ACOT2: variants seen among roughly 807,000 people sequenced by gnomAD.
ACOT2 encodes acyl-CoA thioesterase 2, also known as acyl-coenzyme A thioesterase 2, mitochondrial.
A neutral mutation model predicts 20.1 loss-of-function variants in ACOT2; 15 were observed. That is an observed-to-expected ratio of 0.75 (90% CI 0.50 to 1.15). The LOEUF (loss-of-function observed/expected upper bound fraction) is 1.15. Among genes scored for constraint, ACOT2 ranks in the 50% most tolerant of loss-of-function variants. ACOT2 has a pLI of 0.00. For synonymous variants in ACOT2, 252 were observed against 268.4 expected, an observed-to-expected ratio of 0.94 and a Z score of 0.60; for missense variants, 479 against 615.3, an observed-to-expected ratio of 0.78 and a Z score of 2.34.
Position 73,569,970 on chromosome 14 carries a change from G to GCC in ACOT2, c.643+93_643+94dup, listed in dbSNP as rs34765603. 1.8e-4 allele frequency: 261 copies of GCC among 1,458,730 alleles called. 3 individuals carry two copies. Among genetic ancestry groups the GCC allele is most frequent in the Middle Eastern group, 6.3e-4 (3 of 4,738 alleles). 90.4% of individuals were successfully genotyped at this position (1,458,730 alleles called of 1,614,324 possible). ...CCCCACGCTTTTCGCTTATGTGTAT[G>GCC]CCCCCCCGCCGCGCCCCCGGGCTAT... On this transcript the variant is annotated intron_variant, in intron 1 of 2. Transcript: ENST00000238651.
In ACOT2 at chr14:73,573,461, G is replaced by T. The variant is rs757370071; in HGVS notation, c.717G>T (p.Leu239=). Residue 239 remains leucine, a synonymous_variant, in exon 2 of 3, where the codon CTG becomes CTT. Coordinates refer to ENST00000238651, the MANE Select transcript of ACOT2 (RefSeq NM_006821.6). ...GGGLLEYRAS[L]LAGKGFAVMA... The stretch of plus-strand genomic sequence containing the variant: ...GCCTGCTGGAGTATCGGGCTAGTCT[G>T]CTGGCTGGGAAGGGTTTTGCTGTGA... 6.2e-7 allele frequency: 1 copy of T among 1,613,602 alleles called. No homozygotes were observed. Among genetic ancestry groups the T allele is most frequent in the African/African-American group, 1.3e-5 (1 of 74,864 alleles).
At chr14:73,572,155 G>C (rs1372108578) in intron 1 of ACOT2, among the ~76,000 whole-genome samples, 1 of 65,202 alleles carries the variant, frequency 1.5e-5, no homozygotes, top group African/African-American at 9.4e-5. Flanking sequence ...TGCACCAGGA[G>C]GCATATTCCT....
Position 73,569,223 on chromosome 14 carries a change from C to G in ACOT2, c.-18C>G. ...TCTGCCCTAGTGGGCGCTTAGCCTG[C>G]GACGGCAGCCCGAGAGGATGTCTAA... On this transcript the variant is annotated 5_prime_UTR_variant, in exon 1 of 3. Coordinates refer to ENST00000238651, the MANE Select transcript of ACOT2 (RefSeq NM_006821.6). The G allele has an allele frequency of 1.2e-6, 2 of 1,611,798 alleles. No homozygotes were observed. The highest frequency in any genetic ancestry group is 1.7e-6 in the Non-Finnish European group (2 of 1,178,506).
At chr14:73,570,330 G>C (rs970068034) in intron 1 of ACOT2, among the ~76,000 whole-genome samples, 12 of 151,862 alleles carry the variant, frequency 7.9e-5, no homozygotes, top group African/African-American at 2.2e-4. Context: ...AGCACTTTGG[G>C]AAGTCTCGGC....
chr14:73,569,254 T>G lies in ACOT2; in HGVS notation c.14T>G (p.Leu5Arg), dbSNP rs761381658. 1 of 1,613,652 alleles carries G rather than the reference T, an allele frequency of 6.2e-7. No individual in the cohort carries two copies. Among genetic ancestry groups the G allele is most frequent in the Non-Finnish European group, 8.5e-7 (1 of 1,179,544 alleles). The stretch of plus-strand genomic sequence containing the variant: ...CAGCCCGAGAGGATGTCTAACAAGC[T>G]TCTTTCTCCCCACCCCCATTCAGTT... MSNKLLSPHPHSVVL... is the reference protein window; with the variant it reads MSNKRLSPHPHSVVL... Residue 5 changes from leucine (L) to arginine (R), a missense_variant, in exon 1 of 3, where the codon CTT becomes CGT. This residue lies in a region of ACOT2 where 400 missense variants were observed against 395.5 expected (regional missense o/e 1.01). Transcript: ENST00000238651.
chr14:73,572,418 TTCAG>T (rs1329175674), intron 1 of ACOT2, among the ~76,000 whole-genome samples: 7 of 149,926 alleles, frequency 4.7e-5, no homozygotes, highest in South Asian at 2.1e-4. Flanking sequence ...GGAGAACACA[TTCAG>T]TATCATTCCA....
In ACOT2 at chr14:73,569,519, G is replaced by C. The variant is rs1175293990; in HGVS notation, c.279G>C (p.Pro93=). 2 of 1,608,742 alleles carry C rather than the reference G, an allele frequency of 1.2e-6. No homozygotes were observed. The highest frequency in any genetic ancestry group is 1.7e-5 in the Admixed American group (1 of 59,582). Residue 93 remains proline (P), a synonymous_variant, in exon 1 of 3, where the codon CCG becomes CCC. Transcript: ENST00000238651. ...IAVRGLAPEQ[P]VTLRASLRDE... is the part of the protein sequence containing the mutation. ...TGCGCGGCCTAGCCCCGGAGCAGCC[G>C]GTCACGCTGCGCGCGTCCCTGCGCG... is the stretch of plus-strand genomic sequence containing the variant.
At chr14:73,569,976 C>G (rs554766890) in intron 1 of ACOT2, 93 bp downstream of exon 1, 11 of 1,461,950 alleles carry the variant, frequency 7.5e-6, no homozygotes, top group East Asian at 5.0e-5. Flanking sequence ...GTATGCCCCC[C>G]CGCCGCGCCC....
At position 73,569,579 on chromosome 14, in the gene ACOT2, C is replaced by G. The variant is rs1455156758; in HGVS notation, c.339C>G (p.Arg113=). The change falls in exon 1 of 3, where the codon CGC becomes CGG. Residue 113 remains arginine (R), a synonymous_variant. Transcript: ENST00000238651. ...EKGALFQAHA[R]YRADTLGELD... is the part of the protein sequence containing the mutation. ...GCGCGCTTTTCCAGGCCCACGCGCG[C>G]TACCGCGCCGACACTCTTGGCGAGC... The G allele has an allele frequency of 6.2e-7, 1 of 1,600,320 alleles. No homozygotes were observed. Among genetic ancestry groups the G allele is most frequent in the South Asian group, 1.1e-5 (1 of 90,322 alleles).
chr14:73,573,303 T>C (rs569993223), intron 1 of ACOT2, 85 bp from the exon 2 acceptor site: 4 of 1,588,570 alleles, frequency 2.5e-6, no homozygotes, highest in South Asian at 2.2e-5. Context: ...CTGGGTCACA[T>C]GTGTGGTAAG....
upstream of ACOT2, chr14:73,568,141 T>G (rs1360868296): frequency 1.3e-5 from 2 of 152,016 alleles, no homozygotes; most frequent in African/African-American, 4.8e-5. Flanking sequence ...TAATTAGAAC[T>G]GACAGGGAAT....
chr14:73,572,734 C>T (rs1216978664), intron 1 of ACOT2, among the ~76,000 whole-genome samples: 2 of 149,088 alleles, frequency 1.3e-5, no homozygotes, highest in South Asian at 2.2e-4. Flanking sequence ...CAACCTCCAC[C>T]TCCCGGGTTC....
intron 1 of ACOT2, among the ~76,000 whole-genome samples, chr14:73,572,656 T>TGAGACAGTGTCTCGC (rs1889784028): frequency 7.5e-6 from 1 of 133,096 alleles, no homozygotes; most frequent in African/African-American, 2.9e-5. Flanking sequence ...TTTTTTTTTT[T>TGAGACAGTGTCTCGC]TTTTTTTTTG....
In ACOT2 at chr14:73,575,477, G is replaced by A. The variant is rs376614956; in HGVS notation, c.1416G>A (p.Leu472=). ...TCCAGACTTTCTTCCACAAACACTT[G>A]GGTGGCCACGAGGGGACAATCCCAT... is the stretch of plus-strand genomic sequence containing the variant. ...KQLQTFFHKH[L]GGHEGTIPSK... is the part of the protein sequence containing the mutation. The change falls in exon 3 of 3, where the codon TTG becomes TTA. Residue 472 remains leucine, a synonymous_variant. Transcript: ENST00000238651. 2.9e-4 allele frequency: 441 copies of A among 1,495,132 alleles called. 2 individuals carry two copies. In the African/African-American group the frequency reaches 6.2e-3, roughly 21 times the overall value. 92.6% of individuals were successfully genotyped at this position (1,495,132 alleles called of 1,614,324 possible).
At chr14:73,574,788 G>C (rs1375389685) in intron 2 of ACOT2, 120 bp from the exon 3 acceptor site, 2 of 1,545,832 alleles carry the variant, frequency 1.3e-6, no homozygotes, top group Non-Finnish European at 1.8e-6. Flanking sequence ...TGCAAATCTG[G>C]GTAAATGGTA....
rs1290902019 is a variant in ACOT2, at chr14:73,573,451, GGGC to G, written c.708_710del (p.Ala237del). On this transcript the variant is annotated inframe_deletion, in exon 2 of 3. Coordinates refer to ENST00000238651, the MANE Select transcript of ACOT2 (RefSeq NM_006821.6). Reference sequence around the variant, plus strand: ...ACTGGAGGTGGCCTGCTGGAGTATCGGGCTAGTCTGCTGGCTGGGAAGGGTTTT... The same window carrying G: ...ACTGGAGGTGGCCTGCTGGAGTATCGTAGTCTGCTGGCTGGGAAGGGTTTT... The G allele has an allele frequency of 6.2e-7, 1 of 1,613,530 alleles. No homozygotes were observed. Among genetic ancestry groups the G allele is most frequent in the Non-Finnish European group, 8.5e-7 (1 of 1,179,706 alleles).
chr14:73,570,006 C>A (rs1030018771), intron 1 of ACOT2, 123 bp downstream of exon 1: 2 of 1,394,830 alleles, frequency 1.4e-6, no homozygotes, highest in East Asian at 5.2e-5. Context: ...ATTGCCCAGG[C>A]AGGTTTCGAA....
At chr14:73,573,957 C>T (rs1595171382) in intron 2 of ACOT2, among the ~76,000 whole-genome samples, 1 of 151,994 alleles carries the variant, frequency 6.6e-6, no homozygotes, top group South Asian at 2.1e-4. Flanking sequence ...GAACTCCTGA[C>T]CTCAAATGAT....
At chr14:73,573,911 G>A (rs1236593420) in intron 2 of ACOT2, among the ~76,000 whole-genome samples, 2 of 151,980 alleles carry the variant, frequency 1.3e-5, no homozygotes, top group African/African-American at 4.8e-5. Flanking sequence ...ATTTTTAGTG[G>A]AGGCGGGGTT....
Sources: gnomAD v4.1 joint callset for allele counts (sites outside exome capture counted in the v4.1 genomes callset) on GRCh38, gnomAD v4.1.1 for gene constraint, gnomAD v4.1.1 regional missense constraint, MANE v1.5 for transcripts, NCBI Gene and HGNC (gene_info 2026-07-23, HGNC 2026-07-21) for gene names.